SNTG2: variants seen among roughly 807,000 people sequenced by gnomAD.
SNTG2 encodes the protein syntrophin gamma 2.
SNTG2 carries 74 observed loss-of-function variants against 70.9 expected under a neutral mutation model. That is an observed-to-expected ratio of 1.04 (90% CI 0.86 to 1.27). The LOEUF is 1.27. Among genes scored for constraint, SNTG2 ranks in the 50% most tolerant of loss-of-function variants. The pLI, the probability that SNTG2 is intolerant of heterozygous loss-of-function variation, is 0.00. For missense variants in SNTG2, 717 were observed against 690.7 expected (o/e 1.04, Z -0.43); for synonymous variants, 278 against 273.8 (o/e 1.02, Z -0.15).
intron 16 of SNTG2, among the ~76,000 whole-genome samples, chr2:1,335,851 G>A (rs1659791879): frequency 6.6e-6 from 1 of 152,162 alleles, no homozygotes; most frequent in South Asian, 2.1e-4. Flanking sequence ...TAGAAATGCA[G>A]CCTTCAAACC....
chr2:995,116 A>G (rs1208504917), intron 1 of SNTG2, among the ~76,000 whole-genome samples: 1 of 152,028 alleles, frequency 6.6e-6, no homozygotes, highest in Non-Finnish European at 1.5e-5. Flanking sequence ...TGGAAGTGGC[A>G]AGAATAAACG....
At chr2:955,974 CCTGCAT>C (rs941760030) in intron 1 of SNTG2, among the ~76,000 whole-genome samples, 19 of 126,910 alleles carry the variant, frequency 1.5e-4, no homozygotes, top group South Asian at 2.3e-4. Flanking sequence ...TGCCCCTGCC[CCTGCAT>C]CTGCATCTGC....
At chr2:1,128,585 A>G (rs1458735274) in intron 4 of SNTG2, among the ~76,000 whole-genome samples, 1 of 152,190 alleles carries the variant, frequency 6.6e-6, no homozygotes, top group Non-Finnish European at 1.5e-5. Flanking sequence ...TGTTTGATAA[A>G]TGAATACAAG....
intron 4 of SNTG2, among the ~76,000 whole-genome samples, chr2:1,105,104 C>T (rs186396495): frequency 1.3e-5 from 2 of 152,256 alleles, no homozygotes; most frequent in Admixed American, 6.5e-5. Flanking sequence ...AGCCTTTTGC[C>T]ACTCCCTTAG....
chr2:1,140,551 G>C (rs1248476617), intron 6 of SNTG2, among the ~76,000 whole-genome samples: 1 of 152,222 alleles, frequency 6.6e-6, no homozygotes. Flanking sequence ...CACTGATCCC[G>C]AGTGAGGCGC....
At chr2:1,201,143 CCTAA>C (rs1673251130) in intron 8 of SNTG2, among the ~76,000 whole-genome samples, 1 of 151,884 alleles carries the variant, frequency 6.6e-6, no homozygotes, top group Non-Finnish European at 1.5e-5. Flanking sequence ...GTGGTGTTAA[CCTAA>C]GTGTCCATTA....
intron 2 of SNTG2, among the ~76,000 whole-genome samples, chr2:1,089,770 T>G (rs772866574): frequency 2.0e-5 from 3 of 152,266 alleles, no homozygotes; most frequent in Non-Finnish European, 4.4e-5. Flanking sequence ...GCAAAGACAG[T>G]TGCATAATCT....
chr2:963,622 G>A (rs1278647057), intron 1 of SNTG2, among the ~76,000 whole-genome samples: 1 of 121,060 alleles, frequency 8.3e-6, no homozygotes, highest in Non-Finnish European at 1.8e-5. Context: ...TAATATGCCA[G>A]TTTTTAACTT....
At chr2:989,403 G>T (rs990292543) in intron 1 of SNTG2, among the ~76,000 whole-genome samples, 2 of 150,308 alleles carry the variant, frequency 1.3e-5, no homozygotes, top group African/African-American at 4.9e-5. Context: ...GTTTGCTGAG[G>T]GTTTTTAATC....
At chr2:1,169,774 A>G (rs553793576) in intron 7 of SNTG2, among the ~76,000 whole-genome samples, 1 of 152,232 alleles carries the variant, frequency 6.6e-6, no homozygotes, top group African/African-American at 2.4e-5. Context: ...AGCTACACGG[A>G]CCACCCCACA....
intron 1 of SNTG2, among the ~76,000 whole-genome samples, chr2:1,023,822 G>A (rs761832456): frequency 1.3e-5 from 2 of 152,154 alleles, no homozygotes; most frequent in East Asian, 1.9e-4. Context: ...ATCGATGTCC[G>A]CTTACACCAG....
chr2:1,298,582 C>T (rs955703951), intron 14 of SNTG2, among the ~76,000 whole-genome samples: 1 of 152,174 alleles, frequency 6.6e-6, no homozygotes, highest in African/African-American at 2.4e-5. Flanking sequence ...GGGTGAACAC[C>T]AGGTCTGCTT....
intron 16 of SNTG2, among the ~76,000 whole-genome samples, chr2:1,322,836 C>CGTCA (rs1681593068): frequency 1.3e-5 from 2 of 152,132 alleles, no homozygotes; most frequent in East Asian, 3.9e-4. Flanking sequence ...TGCCACTGAA[C>CGTCA]GTCACTGAGC....
intron 4 of SNTG2, among the ~76,000 whole-genome samples, chr2:1,121,610 CA>C (rs1667383854): frequency 6.6e-6 from 1 of 152,046 alleles, no homozygotes; most frequent in African/African-American, 2.4e-5. Context: ...AGAAGACTTA[CA>C]ATCATAGTAG....
intron 1 of SNTG2, among the ~76,000 whole-genome samples, chr2:1,073,982 C>T (rs371911037): frequency 9.9e-5 from 15 of 152,240 alleles, no homozygotes; most frequent in African/African-American, 1.4e-4. Context: ...TCGTATGTGG[C>T]TGTTGAACCT....
At chr2:1,325,487 ATGT>A (rs1261194145) in intron 16 of SNTG2, among the ~76,000 whole-genome samples, 1 of 152,196 alleles carries the variant, frequency 6.6e-6, no homozygotes, top group East Asian at 1.9e-4. Context: ...ACTCTGTTTA[ATGT>A]TGTGTTAGCA....
intron 1 of SNTG2, among the ~76,000 whole-genome samples, chr2:955,354 A>T (rs539736713): frequency 6.6e-6 from 1 of 152,348 alleles, no homozygotes; most frequent in South Asian, 2.1e-4. Context: ...TCGTGTTATT[A>T]TAAAAACAAT....
At chr2:1,123,944 C>A (rs1455523898) in intron 4 of SNTG2, among the ~76,000 whole-genome samples, 1 of 152,124 alleles carries the variant, frequency 6.6e-6, no homozygotes, top group Non-Finnish European at 1.5e-5. Context: ...CTCATGGAAG[C>A]AGAGAGTAGA....
At chr2:1,002,573 A>G (rs961264919) in intron 1 of SNTG2, among the ~76,000 whole-genome samples, 1 of 152,132 alleles carries the variant, frequency 6.6e-6, no homozygotes, top group Non-Finnish European at 1.5e-5. Flanking sequence ...ACCAGTCAGA[A>G]TAGCTATTAT....
Sources: allele counts gnomAD v4.1 joint callset (sites outside exome capture counted in the v4.1 genomes callset), GRCh38; gene constraint gnomAD v4.1.1; transcripts MANE v1.5; gene names NCBI Gene and HGNC (gene_info 2026-07-23, HGNC 2026-07-21).